TMCO5A: variants seen among roughly 807,000 people sequenced by gnomAD.
TMCO5A encodes transmembrane and coiled-coil domains 5A, also known as transmembrane and coiled-coil domain-containing protein 5A.
In TMCO5A, 34 loss-of-function variants were observed where a neutral mutation model predicts 42.3. The observed-to-expected ratio is 0.80, with a 90% CI of 0.61 to 1.07. The LOEUF (loss-of-function observed/expected upper bound fraction) is 1.07. Among genes scored for constraint, TMCO5A ranks in the 50% least tolerant of loss-of-function variants. TMCO5A has a pLI of 0.00. For missense variants in TMCO5A, 357 were observed against 327.9 expected (o/e 1.09, Z -0.69); for synonymous variants, 131 against 115.6 (o/e 1.13, Z -0.86).
At chr15:38,006,097 G>A in the TMCO5A span, among the ~76,000 whole-genome samples, 1 of 152,162 alleles carries the variant, frequency 6.6e-6, no homozygotes, top group Non-Finnish European at 1.5e-5. Context: ...AGAACAATTT[G>A]TTGCTACTCA....
chr15:37,936,744 C>A lies in TMCO5A; in HGVS notation c.141-103C>A. The A allele has an allele frequency of 3.3e-6, 5 of 1,498,356 alleles. No homozygotes were observed. The South Asian group carries it at 6.3e-5, about 19-fold the overall frequency. The allele number at this position is 1,498,356 out of a possible 1,614,324, so 92.8% of individuals were successfully genotyped here. A position where few individuals can be genotyped will look rare whatever the true frequency, so the allele number is the denominator to read the frequency against. The stretch of plus-strand genomic sequence containing the variant: ...AAGGAAGAGTTTTCAGCTTGAGATT[C>A]ATGTACACTGTCCCTGAAGTTCCCT... On this transcript the variant is annotated intron_variant, in intron 3 of 11. Coordinates refer to ENST00000319669, the MANE Select transcript of TMCO5A (RefSeq NM_152453.4).
chr15:37,972,863 T>G, the TMCO5A span, among the ~76,000 whole-genome samples: 1 of 152,208 alleles, frequency 6.6e-6, no homozygotes, highest in Non-Finnish European at 1.5e-5. Context: ...AGGACGTATG[T>G]CTACAATGAC....
At chr15:38,025,572 T>A in the TMCO5A span, among the ~76,000 whole-genome samples, 1 of 152,224 alleles carries the variant, frequency 6.6e-6, no homozygotes, top group African/African-American at 2.4e-5. Context: ...ATTTAAAATA[T>A]GTATTTTTTA....
the TMCO5A span, among the ~76,000 whole-genome samples, chr15:38,030,399 C>G: frequency 6.6e-6 from 1 of 152,130 alleles, no homozygotes; most frequent in Admixed American, 6.6e-5. Context: ...ATTCCTAAAC[C>G]TCACTTGAAT....
chr15:37,982,634 AATATAG>A, the TMCO5A span, among the ~76,000 whole-genome samples: 808 of 138,606 alleles, frequency 5.8e-3, 16 homozygotes, highest in African/African-American at 0.022. Flanking sequence ...TCTAACATAT[AATATAG>A]ATATATAGTA....
intron 6 of TMCO5A, 81 bp downstream of exon 6, chr15:37,938,310 G>GT: frequency 8.2e-7 from 1 of 1,217,104 alleles, no homozygotes; most frequent in Non-Finnish European, 1.2e-6. Flanking sequence ...CAATGTCAAC[G>GT]TTGTGACAAA....
chr15:37,951,923 T>C (rs1442489159), downstream of TMCO5A, among the ~76,000 whole-genome samples: 1 of 151,880 alleles, frequency 6.6e-6, no homozygotes, highest in Non-Finnish European at 1.5e-5. Context: ...AAGGGTGTGG[T>C]GTGGAGAGCA....
the TMCO5A span, among the ~76,000 whole-genome samples, chr15:37,993,945 A>T: frequency 6.6e-6 from 1 of 152,224 alleles, no homozygotes; most frequent in Non-Finnish European, 1.5e-5. Context: ...CAGATTCTAG[A>T]TCAGACAGGT....
chr15:38,039,200 T>C, the TMCO5A span, among the ~76,000 whole-genome samples: 1 of 152,134 alleles, frequency 6.6e-6, no homozygotes, highest in Non-Finnish European at 1.5e-5. Context: ...AATATAGATA[T>C]GGATGACTAA....
chr15:38,039,040 T>C, the TMCO5A span, among the ~76,000 whole-genome samples: 29 of 152,280 alleles, frequency 1.9e-4, no homozygotes, highest in South Asian at 6.0e-3. Context: ...CAAGACAAAA[T>C]GATATGACAA....
chr15:37,940,294 C>T (rs529107233), intron 6 of TMCO5A, among the ~76,000 whole-genome samples: 1 of 152,284 alleles, frequency 6.6e-6, no homozygotes, highest in Non-Finnish European at 1.5e-5. Context: ...CCTTATCCCA[C>T]CCTGTCTCGG....
At chr15:37,962,270 C>A (rs550283474) in intron 11 of TMCO5A, among the ~76,000 whole-genome samples, 1 of 151,886 alleles carries the variant, frequency 6.6e-6, no homozygotes, top group East Asian at 1.9e-4. Context: ...TTTTGTCAAA[C>A]GCTTTTTCTT....
At chr15:37,966,503 C>T (rs989241066) in intron 11 of TMCO5A, 14 of 691,236 alleles carry the variant, frequency 2.0e-5, no homozygotes, top group Admixed American at 4.1e-5. Flanking sequence ...AATATACACA[C>T]CTACTATGTA....
At chr15:37,952,988 G>A (rs1476678350), downstream of TMCO5A, among the ~76,000 whole-genome samples, 1 of 152,198 alleles carries the variant, frequency 6.6e-6, no homozygotes, top group East Asian at 1.9e-4. Context: ...CTTTTGGAAA[G>A]GGGAGGGAAG....
At chr15:38,022,311 A>T in the TMCO5A span, among the ~76,000 whole-genome samples, 17 of 152,200 alleles carry the variant, frequency 1.1e-4, no homozygotes, top group Admixed American at 6.5e-5. Flanking sequence ...GTGGAATATT[A>T]TTCAGTGCAA....
chr15:37,999,884 A>G, the TMCO5A span, among the ~76,000 whole-genome samples: 8 of 152,172 alleles, frequency 5.3e-5, no homozygotes, highest in Admixed American at 2.0e-4. Context: ...CCACTTGGTC[A>G]TACTGAATGA....
At chr15:38,006,191 G>T in the TMCO5A span, among the ~76,000 whole-genome samples, 2 of 152,226 alleles carry the variant, frequency 1.3e-5, no homozygotes, top group Non-Finnish European at 2.9e-5. Flanking sequence ...GCAGAAGCAG[G>T]AAGGAGCATG....
chr15:37,986,009 T>C, the TMCO5A span, among the ~76,000 whole-genome samples: 1 of 152,152 alleles, frequency 6.6e-6, no homozygotes, highest in African/African-American at 2.4e-5. Flanking sequence ...TTTGAAAATC[T>C]GTAGAATTTT....
At chr15:38,012,629 A>T in the TMCO5A span, among the ~76,000 whole-genome samples, 1 of 152,102 alleles carries the variant, frequency 6.6e-6, no homozygotes. Flanking sequence ...TGTACTCAGG[A>T]AATGTTTGTA....
Sources: allele counts gnomAD v4.1 joint callset (sites outside exome capture counted in the v4.1 genomes callset), GRCh38; gene constraint gnomAD v4.1.1; transcripts MANE v1.5; gene names NCBI Gene and HGNC (gene_info 2026-07-23, HGNC 2026-07-21).